The following GJC2 variants were observed in gnomAD, a reference collection of about 807,000 sequenced individuals.
The protein encoded by GJC2 is gap junction protein gamma 2, also known as gap junction gamma-2 protein.
For missense variants in GJC2, 647 were observed against 648.9 expected (o/e 1.00, Z 0.03); for synonymous variants, 336 against 307.5 (o/e 1.09, Z -0.97).
intron 1 of GJC2, among the ~76,000 whole-genome samples, chr1:228,157,037 C>T (rs928172014): frequency 6.6e-6 from 1 of 152,042 alleles, no homozygotes; most frequent in African/African-American, 2.4e-5. Context: ...ACTGGGCGGG[C>T]GGAGCCCTGG....
Position 228,158,771 on chromosome 1 carries a change from G to T in GJC2, c.1013G>T (p.Arg338Leu). Residue 338 changes from arginine to leucine, a missense_variant, in exon 2 of 2, where the codon CGG becomes CTG. By Grantham distance (102) the Arg-to-Leu change is moderately radical. Transcript: ENST00000366714. This position sits in a 1 kb window ranked among gnomAD's most constrained non-coding sequence, Gnocchi z 8.3. The part of the protein sequence containing the change: ...ACPPDYSLVV[R>L]AAERARAHDQ... ...CCGCCCGACTACAGCCTGGTGGTGCGGGCGGCCGAGCGCGCTCGGGCGCAT... is the reference window on the plus strand; with the variant it reads ...CCGCCCGACTACAGCCTGGTGGTGCTGGCGGCCGAGCGCGCTCGGGCGCAT... 2 of 1,403,024 alleles carry T rather than the reference G, an allele frequency of 1.4e-6. No individual in the cohort carries two copies. The highest frequency in any genetic ancestry group is 1.9e-6 in the Non-Finnish European group (2 of 1,079,592). The allele number at this position is 1,403,024 out of a possible 1,614,324, so 86.9% of individuals were successfully genotyped here.
intron 1 of GJC2, among the ~76,000 whole-genome samples, chr1:228,154,248 C>T (rs1178792045): frequency 6.6e-6 from 1 of 152,168 alleles, no homozygotes; most frequent in Admixed American, 6.5e-5. Context: ...TTTCGGCAGC[C>T]TCCTGGGTCT....
chr1:228,159,650 A>G lies in GJC2; in HGVS notation c.*572A>G, dbSNP rs2034743567. ...TCCTCTGGGAGGCTTGAAGTTCTGC[A>G]AAGATGTTGATATGCCTTGCAGCTT... On this transcript the variant is annotated 3_prime_UTR_variant, in exon 2 of 2. Coordinates refer to ENST00000366714, the MANE Select transcript of GJC2 (RefSeq NM_020435.4). The surrounding 1 kb of genome is among the most constrained non-coding windows in gnomAD (Gnocchi z 4.0). The G allele has an allele frequency of 5.9e-6, 1 of 169,352 alleles. No individual in the cohort carries two copies. The highest frequency in any genetic ancestry group is 6.3e-5 in the Admixed American group (1 of 15,900). The allele number at this position is 169,352 out of a possible 1,614,324, so 10.5% of individuals were successfully genotyped here. A position where few individuals can be genotyped will look rare whatever the true frequency, so the allele number is the denominator to read the frequency against.
Position 228,157,753 on chromosome 1 carries a change from G to A in GJC2, c.-6G>A, listed in dbSNP as rs762585789. The stretch of plus-strand genomic sequence containing the variant: ...CCCGCCCCACAGGACCCGCCCGCCC[G>A]CCCCTATGACCAACATGAGCTGGAG... On this transcript the variant is annotated 5_prime_UTR_variant, in exon 2 of 2. Transcript: ENST00000366714. The A allele has an allele frequency of 1.3e-5, 8 of 593,062 alleles. No homozygotes were observed. Among genetic ancestry groups the A allele is most frequent in the South Asian group, 3.8e-5 (2 of 52,492 alleles). 36.7% of individuals were successfully genotyped at this position (593,062 alleles called of 1,614,324 possible). A position where few individuals can be genotyped will look rare whatever the true frequency, so the allele number is the denominator to read the frequency against.
chr1:228,158,952 C>A lies in GJC2; in HGVS notation c.1194C>A (p.Thr398=), dbSNP rs557364093. 2 of 1,575,002 alleles carry A rather than the reference C, an allele frequency of 1.3e-6. No homozygotes were observed. Among genetic ancestry groups the A allele is most frequent in the South Asian group, 2.3e-5 (2 of 88,108 alleles). The change falls in exon 2 of 2, where the codon ACC becomes ACA. Residue 398 remains threonine, a synonymous_variant. Transcript: ENST00000366714. The surrounding 1 kb of genome is among the most constrained non-coding windows in gnomAD (Gnocchi z 8.3). ...CCGCGTCCCGGACGGGCAGTGCTAC[C>A]TCTGCGGGCACTGTCGGGGAGCAGG... The part of the protein sequence containing the change: ...GAPASRTGSA[T]SAGTVGEQGR...
rs1245933292 is a variant in GJC2 at position 228,159,118 on chromosome 1, T to TG, written c.*46dup. 2.5e-6 allele frequency: 4 copies of TG among 1,603,252 alleles called. No homozygotes were observed. Among genetic ancestry groups the TG allele is most frequent in the African/African-American group, 1.3e-5 (1 of 74,426 alleles). On this transcript the variant is annotated 3_prime_UTR_variant, in exon 2 of 2. Coordinates refer to ENST00000366714, the MANE Select transcript of GJC2 (RefSeq NM_020435.4). This position sits in a 1 kb window ranked among gnomAD's most constrained non-coding sequence, Gnocchi z 4.0. ...GAGCTGGGCCAGGGAGGAGGAGGGT[T>TG]GGGGGGCTCCGGTGGAAACCTGCGA...
intron 1 of GJC2, among the ~76,000 whole-genome samples, chr1:228,157,468 C>T (rs1318301462): frequency 6.6e-6 from 1 of 152,182 alleles, no homozygotes; most frequent in African/African-American, 2.4e-5. Context: ...GCAGTGGACA[C>T]TGAGACCACC....
rs565189944 is a variant in GJC2, at chr1:228,150,165, C to T, written c.-20+158C>T. The stretch of plus-strand genomic sequence containing the variant: ...GTGCACTCCTTGCGCCTGCCACCCC[C>T]TCCTGGGCTCCGCTGCTCCACGCAG... On this transcript the variant is annotated intron_variant, in intron 1 of 1. Coordinates refer to ENST00000366714, the MANE Select transcript of GJC2 (RefSeq NM_020435.4). The surrounding 1 kb of genome is among the most constrained non-coding windows in gnomAD (Gnocchi z 4.6). Among the ~76,000 whole-genome samples, 2 of 152,162 alleles carry T rather than the reference C, an allele frequency of 1.3e-5. No individual in the cohort carries two copies. Among genetic ancestry groups the T allele is most frequent in the Admixed American group, 6.5e-5 (1 of 15,288 alleles).
chr1:228,157,265 G>T (rs188779706), intron 1 of GJC2, among the ~76,000 whole-genome samples: 1 of 152,002 alleles, frequency 6.6e-6, no homozygotes, highest in Non-Finnish European at 1.5e-5. Flanking sequence ...GGGAGCTGAT[G>T]GTGGTGCAGG....
intron 1 of GJC2, among the ~76,000 whole-genome samples, chr1:228,153,628 AG>A (rs1477209701): frequency 2.3e-5 from 3 of 127,710 alleles, no homozygotes; most frequent in Non-Finnish European, 4.7e-5. Context: ...CTGTTGCCCC[AG>A]CTAAGTACAG....
Position 228,157,854 on chromosome 1 carries a change from G to A in GJC2, c.96G>A (p.Val32=), listed in dbSNP as rs769772220. 6 of 1,610,120 alleles carry A rather than the reference G, an allele frequency of 3.7e-6. No homozygotes were observed. In the Admixed American group the frequency reaches 8.4e-5, roughly 22 times the overall value. Residue 32 remains valine, a synonymous_variant, in exon 2 of 2, where the codon GTG becomes GTA. Transcript: ENST00000366714. The part of the protein sequence containing the change: ...FVGKVWLTVL[V]VFRIVLTAVG... ...GCAAGGTGTGGCTCACGGTGCTGGT[G>A]GTCTTCCGCATCGTGCTGACGGCTG...
intron 1 of GJC2, among the ~76,000 whole-genome samples, chr1:228,153,063 G>A (rs887011989): frequency 3.3e-5 from 5 of 151,894 alleles, no homozygotes; most frequent in Admixed American, 6.6e-5. Context: ...TGCAAATCCC[G>A]GGCCTGGCTC....
intron 1 of GJC2, among the ~76,000 whole-genome samples, chr1:228,154,976 T>C (rs1395715787): frequency 6.6e-6 from 1 of 152,184 alleles, no homozygotes; most frequent in African/African-American, 2.4e-5. Flanking sequence ...TGTTTTTGCA[T>C]TGAGGCCTTT....
intron 1 of GJC2, among the ~76,000 whole-genome samples, chr1:228,153,656 C>T (rs1465887313): frequency 6.8e-6 from 1 of 147,416 alleles, no homozygotes; most frequent in Admixed American, 6.8e-5. Context: ...AATCTCGGCT[C>T]ACTGCAACCT....
intron 1 of GJC2, 63 bp from the exon 2 acceptor site, chr1:228,157,677 C>A: frequency 8.5e-6 from 8 of 945,672 alleles, no homozygotes; most frequent in Non-Finnish European, 1.3e-5. Context: ...CCTGGAGCCC[C>A]GGCTCTGAGC....
chr1:228,158,923 GC>G lies in GJC2; in HGVS notation c.1170del (p.Ala391ArgfsTer80). 1.3e-6 allele frequency: 2 copies of G among 1,512,856 alleles called. No homozygotes were observed. Among genetic ancestry groups the G allele is most frequent in the Admixed American group, 2.1e-5 (1 of 46,932 alleles). The allele number at this position is 1,512,856 out of a possible 1,614,324, so 93.7% of individuals were successfully genotyped here. A position where few individuals can be genotyped will look rare whatever the true frequency, so the allele number is the denominator to read the frequency against. On this transcript the variant is annotated frameshift_variant, in exon 2 of 2. Coordinates refer to ENST00000366714, the MANE Select transcript of GJC2 (RefSeq NM_020435.4). LOFTEE classifies it low-confidence loss of function (END_TRUNC). The surrounding 1 kb of genome is among the most constrained non-coding windows in gnomAD (Gnocchi z 8.3). ...AASRGPPRAG[A>X]PASRTGSATS... is the part of the protein sequence containing the mutation. ...CTCCCGGGGGCCCCCCAGAGCAGGC[GC>G]CCCCGCGTCCCGGACGGGCAGTGCT...
At position 228,159,062 on chromosome 1, in the gene GJC2, C is replaced by T; in HGVS notation, c.1304C>T (p.Thr435Ile). ...KGSASSRDGK[T>I]TVWI ...AGTGCCAGCAGCAGGGACGGGAAGA[C>T]CACCGTGTGGATCTGAGGGCGCTGG... is the stretch of plus-strand genomic sequence containing the variant. Residue 435 changes from threonine to isoleucine, a missense_variant, in exon 2 of 2, where the codon ACC becomes ATC. Thr to Ile is a moderately conservative substitution (Grantham distance 89). Transcript: ENST00000366714. This position sits in a 1 kb window ranked among gnomAD's most constrained non-coding sequence, Gnocchi z 4.0. 1 of 1,610,514 alleles carries T rather than the reference C, an allele frequency of 6.2e-7. No homozygotes were observed. Among genetic ancestry groups the T allele is most frequent in the Non-Finnish European group, 8.5e-7 (1 of 1,179,706 alleles).
At position 228,158,139 on chromosome 1, in the gene GJC2, C is replaced by T; in HGVS notation, c.381C>T (p.His127=). The T allele has an allele frequency of 7.8e-7, 1 of 1,289,842 alleles. No individual in the cohort carries two copies. The highest frequency in any genetic ancestry group is 9.8e-7 in the Non-Finnish European group (1 of 1,020,054). 79.9% of individuals were successfully genotyped at this position (1,289,842 alleles called of 1,614,324 possible). Residue 127 remains histidine, a synonymous_variant, in exon 2 of 2, where the codon CAC becomes CAT. Coordinates refer to ENST00000366714, the MANE Select transcript of GJC2 (RefSeq NM_020435.4). This position sits in a 1 kb window ranked among gnomAD's most constrained non-coding sequence, Gnocchi z 8.3. ...RPGPRRAPRA[H]LPPPHAGWPE... ...GGCCACGCCGCGCGCCCCGAGCGCA[C>T]CTGCCGCCCCCGCACGCCGGCTGGC...
intron 1 of GJC2, among the ~76,000 whole-genome samples, chr1:228,153,106 G>T (rs991615478): frequency 1.3e-5 from 2 of 151,760 alleles, no homozygotes; most frequent in African/African-American, 2.4e-5. Context: ...CTCTCCTCCC[G>T]TGGGCCTCCA....
Sources: gnomAD v4.1 joint callset for allele counts (sites outside exome capture counted in the v4.1 genomes callset) on GRCh38, gnomAD v4.1.1 for gene constraint, Gnocchi (gnomAD v3.1) non-coding constraint, MANE v1.5 for transcripts, NCBI Gene and HGNC (gene_info 2026-07-23, HGNC 2026-07-21) for gene names.